The following PTPRO variants were observed in gnomAD, a reference collection of about 807,000 sequenced individuals.
PTPRO encodes protein tyrosine phosphatase receptor type O, also known as receptor-type tyrosine-protein phosphatase O.
PTPRO carries 62 observed loss-of-function variants against 145.2 expected under a neutral mutation model. That is an observed-to-expected ratio of 0.43 (90% CI 0.35 to 0.53). The LOEUF is 0.53. Ranked by LOEUF, PTPRO falls within the 20% of genes least tolerant of loss-of-function variation. PTPRO has a pLI of 0.01. For synonymous variants in PTPRO, 565 were observed against 514.7 expected, an observed-to-expected ratio of 1.10 and a Z score of -1.32; for missense variants, 1,345 against 1,482.7, an observed-to-expected ratio of 0.91 and a Z score of 1.53.
chr12:15,466,128 AT>A (rs940589683), intron 1 of PTPRO, among the ~76,000 whole-genome samples: 1 of 152,132 alleles, frequency 6.6e-6, no homozygotes, highest in Non-Finnish European at 1.5e-5. Context: ...TAACAAGCTG[AT>A]TTTTTTAATC....
intron 1 of PTPRO, among the ~76,000 whole-genome samples, chr12:15,332,375 A>G (rs138097290): frequency 1.7e-3 from 259 of 152,340 alleles, no homozygotes; most frequent in Non-Finnish European, 3.4e-3. Context: ...TTGGAAAGCA[A>G]TCATCCCAAC....
At chr12:15,546,209 ATT>A in intron 12 of PTPRO, 6 of 513,528 alleles carry the variant, frequency 1.2e-5, no homozygotes, top group Non-Finnish European at 1.6e-5. Context: ...CTCCACCTTT[ATT>A]AAGTGCAGAT....
At chr12:15,579,978 G>A in intron 20 of PTPRO, 61 bp from the exon 21 acceptor site, 1 of 1,339,090 alleles carries the variant, frequency 7.5e-7, no homozygotes, top group Non-Finnish European at 1.1e-6. Flanking sequence ...GATAGAAAGG[G>A]CCAAAATAAT....
intron 1 of PTPRO, among the ~76,000 whole-genome samples, chr12:15,352,039 A>C (rs1460179215): frequency 6.6e-6 from 1 of 152,150 alleles, no homozygotes; most frequent in Non-Finnish European, 1.5e-5. Context: ...GGAAAGAGGA[A>C]GCCAGTGGAG....
chr12:15,392,697 G>C (rs1332735770), intron 1 of PTPRO, among the ~76,000 whole-genome samples: 2 of 142,988 alleles, frequency 1.4e-5, no homozygotes, highest in East Asian at 2.1e-4. Flanking sequence ...CTCCAGCTTG[G>C]GTGACAGAGT....
At chr12:15,418,718 T>G (rs1235877130) in intron 1 of PTPRO, among the ~76,000 whole-genome samples, 8 of 151,726 alleles carry the variant, frequency 5.3e-5, no homozygotes, top group Non-Finnish European at 7.4e-5. Flanking sequence ...GAGTGTGCCA[T>G]ACGTCAGCCA....
intron 12 of PTPRO, among the ~76,000 whole-genome samples, chr12:15,526,510 T>A (rs1235961155): frequency 6.6e-6 from 1 of 152,150 alleles, no homozygotes; most frequent in Non-Finnish European, 1.5e-5. Flanking sequence ...AACCAGGTAG[T>A]CATAGGATTT....
At chr12:15,510,897 T>C (rs1027758161) in intron 7 of PTPRO, among the ~76,000 whole-genome samples, 1 of 150,606 alleles carries the variant, frequency 6.6e-6, no homozygotes, top group Non-Finnish European at 1.5e-5. Flanking sequence ...ACAGGTGCAG[T>C]GGCTCATGCC....
intron 1 of PTPRO, among the ~76,000 whole-genome samples, chr12:15,334,178 C>A (rs1342539687): frequency 6.6e-6 from 1 of 152,068 alleles, no homozygotes; most frequent in Non-Finnish European, 1.5e-5. Flanking sequence ...AAACTTAAAA[C>A]TTTTATGATT....
chr12:15,530,852 G>A (rs1402372674), intron 12 of PTPRO, among the ~76,000 whole-genome samples: 1 of 151,904 alleles, frequency 6.6e-6, no homozygotes, highest in African/African-American at 2.4e-5. Flanking sequence ...CACTAAATTA[G>A]TAGAAGGAAA....
At chr12:15,449,875 G>T (rs2136376317) in intron 1 of PTPRO, among the ~76,000 whole-genome samples, 1 of 152,218 alleles carries the variant, frequency 6.6e-6, no homozygotes, top group South Asian at 2.1e-4. Flanking sequence ...AAATGGTTCT[G>T]CCCCTAACAA....
At chr12:15,512,094 G>T (rs7313033) in intron 7 of PTPRO, among the ~76,000 whole-genome samples, 86,815 of 151,354 alleles carry the variant, frequency 0.57, 26,142 homozygotes, top group Admixed American at 0.66. Flanking sequence ...TTTAAATGGA[G>T]CAATGTTTTT....
At chr12:15,540,752 A>C (rs932663415) in intron 12 of PTPRO, among the ~76,000 whole-genome samples, 2 of 152,214 alleles carry the variant, frequency 1.3e-5, no homozygotes, top group African/African-American at 4.8e-5. Context: ...CACTTCAGGA[A>C]GGTCACTTTC....
chr12:15,364,225 A>G (rs184050846), intron 1 of PTPRO, among the ~76,000 whole-genome samples: 9 of 152,326 alleles, frequency 5.9e-5, no homozygotes, highest in Admixed American at 5.2e-4. Context: ...AAGCATAAAG[A>G]GTGAAACATG....
At chr12:15,570,237 C>A (rs1944012277) in intron 19 of PTPRO, among the ~76,000 whole-genome samples, 1 of 152,004 alleles carries the variant, frequency 6.6e-6, no homozygotes, top group Admixed American at 6.5e-5. Context: ...AATGGCCCCC[C>A]ATCCTTCAGG....
intron 1 of PTPRO, among the ~76,000 whole-genome samples, chr12:15,456,271 T>G (rs1310708917): frequency 1.3e-5 from 2 of 152,198 alleles, no homozygotes; most frequent in Non-Finnish European, 2.9e-5. Context: ...GTATATCACA[T>G]TAGTTGATTT....
chr12:15,393,122 A>G (rs1939236922), intron 1 of PTPRO, among the ~76,000 whole-genome samples: 2 of 152,128 alleles, frequency 1.3e-5, no homozygotes, highest in African/African-American at 2.4e-5. Context: ...CGAACTCCCT[A>G]TTGTTATCTT....
At chr12:15,349,838 A>C (rs767222512) in intron 1 of PTPRO, among the ~76,000 whole-genome samples, 1 of 152,230 alleles carries the variant, frequency 6.6e-6, no homozygotes, top group African/African-American at 2.4e-5. Context: ...TATTGATTAC[A>C]CGTAGGACAA....
At chr12:15,431,221 G>A (rs1940427845) in intron 1 of PTPRO, among the ~76,000 whole-genome samples, 1 of 152,118 alleles carries the variant, frequency 6.6e-6, no homozygotes, top group South Asian at 2.1e-4. Context: ...TCAAACATGT[G>A]TCCCACCCTA....
Sources: gnomAD v4.1 joint callset for allele counts (sites outside exome capture counted in the v4.1 genomes callset) on GRCh38, gnomAD v4.1.1 for gene constraint, MANE v1.5 for transcripts, NCBI Gene and HGNC (gene_info 2026-07-23, HGNC 2026-07-21) for gene names.